Variants in AGO1 observed in about 807,000 individuals in gnomAD.
AGO1 encodes the protein argonaute RISC component 1.
AGO1 carries 11 observed loss-of-function variants against 109.2 expected under a neutral mutation model. That is an observed-to-expected ratio of 0.10 (90% confidence interval 0.06 to 0.17). The LOEUF (loss-of-function observed/expected upper bound fraction) is 0.17, where lower values mean the gene tolerates loss of function less well. Ranked by LOEUF, AGO1 falls within the 10% of genes least tolerant of loss-of-function variation. AGO1 has a pLI of 1.00. For missense variants in AGO1, 574 were observed against 1,140.3 expected, an observed-to-expected ratio of 0.50 and a Z score of 7.15; for synonymous variants, 422 against 418.6, an observed-to-expected ratio of 1.01 and a Z score of -0.10.
At chr1:35,874,346 T>C (rs1644976509) in intron 1 of AGO1, among the ~76,000 whole-genome samples, 1 of 152,172 alleles carries the variant, frequency 6.6e-6, no homozygotes, top group South Asian at 2.1e-4. Flanking sequence ...TTAAAAGTTT[T>C]TTGTTGTTGT....
rs370567202 is a variant in AGO1, at chr1:35,888,379, G to T, written c.26-48G>T. 11 of 1,593,134 alleles carry T rather than the reference G, an allele frequency of 6.9e-6. No homozygotes were observed. The Admixed American group carries it at 1.9e-4, about 27-fold the overall frequency. ...CCTTGTTCCTCCTCTGATAAGAGTA[G>T]TTAGGAGATTGCCAGACTTTACCCT... is the stretch of plus-strand genomic sequence containing the variant. On this transcript the variant is annotated intron_variant, in intron 1 of 18. Transcript: ENST00000373204. The surrounding 1 kb of genome is among the most constrained non-coding windows in gnomAD (Gnocchi z 4.1).
chr1:35,880,540 A>G (rs941191602), upstream of AGO1, among the ~76,000 whole-genome samples: 1 of 152,216 alleles, frequency 6.6e-6, no homozygotes, highest in African/African-American at 2.4e-5. Context: ...AGCCTGGGTA[A>G]CAGAGTAAGA....
intron 15 of AGO1, 44 bp downstream of exon 15, chr1:35,915,586 G>A (rs1645720387): frequency 1.9e-6 from 3 of 1,568,488 alleles, no homozygotes; most frequent in Non-Finnish European, 2.6e-6. Flanking sequence ...ATCATGGCTG[G>A]AAAGCTAGGT....
intron 12 of AGO1, among the ~76,000 whole-genome samples, chr1:35,912,485 T>TGAG (rs1269609009): frequency 7.1e-4 from 108 of 152,266 alleles, no homozygotes; most frequent in Middle Eastern, 3.4e-3. Context: ...ATTTGCTTAG[T>TGAG]TGATATCCTC....
upstream of AGO1, chr1:35,882,999 C>G: frequency 1.1e-6 from 1 of 928,486 alleles, no homozygotes; most frequent in East Asian, 1.2e-4. The surrounding 1 kb of genome is among the most constrained non-coding windows in gnomAD (Gnocchi z 5.1). Context: ...CGGGATGTCC[C>G]TTCGCCCTGC....
chr1:35,899,519 C>T (rs1223622218), intron 8 of AGO1, among the ~76,000 whole-genome samples: 1 of 152,204 alleles, frequency 6.6e-6, no homozygotes, highest in African/African-American at 2.4e-5. Flanking sequence ...CACCACATCC[C>T]TGATTTAGTC....
At position 35,888,382 on chromosome 1, in the gene AGO1, A is replaced by G. The variant is rs1259480938; in HGVS notation, c.26-45A>G. On this transcript the variant is annotated intron_variant, in intron 1 of 18. Transcript: ENST00000373204. The surrounding 1 kb of genome is among the most constrained non-coding windows in gnomAD (Gnocchi z 4.1). ...TGTTCCTCCTCTGATAAGAGTAGTT[A>G]GGAGATTGCCAGACTTTACCCTCAC... The G allele has an allele frequency of 1.3e-6, 2 of 1,594,882 alleles. No homozygotes were observed. The highest frequency in any genetic ancestry group is 1.7e-5 in the Admixed American group (1 of 59,302).
At chr1:35,907,187 TG>T (rs1190757213) in intron 12 of AGO1, 68 bp downstream of exon 12, 1 of 1,394,676 alleles carries the variant, frequency 7.2e-7, no homozygotes, top group African/African-American at 1.4e-5. Flanking sequence ...TGGGGTCTCC[TG>T]GGAAGGACTC....
At chr1:35,907,161 T>C in intron 12 of AGO1, 42 bp downstream of exon 12, 1 of 1,554,310 alleles carries the variant, frequency 6.4e-7, no homozygotes, top group Non-Finnish European at 8.7e-7. Flanking sequence ...ATAGGACTCT[T>C]CTCAGCGTAG....
In AGO1 at chr1:35,888,497, G is replaced by A. The variant is rs574337653; in HGVS notation, c.96G>A (p.Val32=). 6.2e-7 allele frequency: 1 copy of A among 1,614,218 alleles called. No homozygotes were observed. The highest frequency in any genetic ancestry group is 1.7e-5 in the Admixed American group (1 of 60,024). The change falls in exon 2 of 19, where the codon GTG becomes GTA. Residue 32 remains valine, a synonymous_variant. Transcript: ENST00000373204. This position sits in a 1 kb window ranked among gnomAD's most constrained non-coding sequence, Gnocchi z 4.1. ...QAPRRPGIGT[V]GKPIKLLANY... is the part of the protein sequence containing the mutation. ...CTCGCCGGCCTGGCATTGGCACTGT[G>A]GGGAAACCAATCAAGCTCCTGGCCA...
chr1:35,883,202 C>T, upstream of AGO1: 13 of 1,191,972 alleles, frequency 1.1e-5, no homozygotes, highest in Non-Finnish European at 1.4e-5. This position sits in a 1 kb window ranked among gnomAD's most constrained non-coding sequence, Gnocchi z 5.4. Flanking sequence ...GGCGGTCGCG[C>T]CTGCGCACTG....
chr1:35,877,960 G>C (rs1357318667), intron 1 of AGO1, among the ~76,000 whole-genome samples: 2 of 151,840 alleles, frequency 1.3e-5, no homozygotes, highest in African/African-American at 4.8e-5. Context: ...CAAAGTGCTG[G>C]GATTACAGGG....
rs77968920 is a variant in AGO1, at chr1:35,897,997, A to G, written c.1020+2728A>G. Among the ~76,000 whole-genome samples, 1,019 of 152,306 alleles carry G rather than the reference A, an allele frequency of 6.7e-3. 8 individuals are homozygous for G. The highest frequency in any genetic ancestry group is 0.023 in the African/African-American group (968 of 41,566). On this transcript the variant is annotated intron_variant, in intron 8 of 18. Coordinates refer to ENST00000373204, the MANE Select transcript of AGO1 (RefSeq NM_012199.5). ...ATTTTGGACATATCATATATGTGAAATAATACAATATGTGGCCTTTTTTGA... is the reference window on the plus strand; with the variant it reads ...ATTTTGGACATATCATATATGTGAAGTAATACAATATGTGGCCTTTTTTGA...
rs772190498 is a variant in AGO1 at position 35,904,330 on chromosome 1, C to A, written c.1397+1993C>A. On this transcript the variant is annotated intron_variant, in intron 11 of 18. Coordinates refer to ENST00000373204, the MANE Select transcript of AGO1 (RefSeq NM_012199.5). Reference sequence around the variant, plus strand: ...CCATGTTAACCAGGATGGTCTCGATCTCCTGACCTCATGATCCACCCGCCT... The same window carrying A: ...CCATGTTAACCAGGATGGTCTCGATATCCTGACCTCATGATCCACCCGCCT... Among the ~76,000 whole-genome samples, 22 of 152,180 alleles carry A rather than the reference C, an allele frequency of 1.4e-4. 1 individual carries two copies. Among genetic ancestry groups the A allele is most frequent in the Non-Finnish European group, 2.5e-4 (17 of 68,006 alleles).
chr1:35,912,487 G>C (rs1645654731), intron 12 of AGO1, among the ~76,000 whole-genome samples: 1 of 151,366 alleles, frequency 6.6e-6, no homozygotes, highest in African/African-American at 2.4e-5. Context: ...TTGCTTAGTT[G>C]ATATCCTCAC....
rs1217983159 is a variant in AGO1, at chr1:35,927,301, T to A, written c.*7694T>A. 6.6e-6 allele frequency: 1 copy of A among 152,222 alleles called. No individual in the cohort carries two copies. Among genetic ancestry groups the A allele is most frequent in the Non-Finnish European group, 1.5e-5 (1 of 68,038 alleles). 9.4% of individuals were successfully genotyped at this position (152,222 alleles called of 1,614,324 possible). On this transcript the variant is annotated 3_prime_UTR_variant, in exon 19 of 19. Coordinates refer to ENST00000373204, the MANE Select transcript of AGO1 (RefSeq NM_012199.5). The stretch of plus-strand genomic sequence containing the variant: ...TAAATAAGAAAACTATCATTTCATA[T>A]GACAAGAAATCCTAATTTAATGTTA...
chr1:35,891,700 G>A (rs899972375), intron 2 of AGO1, among the ~76,000 whole-genome samples: 2 of 151,966 alleles, frequency 1.3e-5, no homozygotes, highest in Non-Finnish European at 2.9e-5. Flanking sequence ...GAGTAGCTGG[G>A]ACTGTAGGCA....
At chr1:35,872,507 C>T (rs1159698151) in intron 1 of AGO1, among the ~76,000 whole-genome samples, 1 of 152,036 alleles carries the variant, frequency 6.6e-6, no homozygotes, top group Non-Finnish European at 1.5e-5. Context: ...CTTTAATCAT[C>T]CTAGCTAAGC....
intron 12 of AGO1, among the ~76,000 whole-genome samples, chr1:35,908,369 T>C (rs982342455): frequency 2.0e-5 from 3 of 152,248 alleles, no homozygotes; most frequent in African/African-American, 7.2e-5. Context: ...ATTCTGCCTT[T>C]ACATTTTATT....
Sources: allele counts gnomAD v4.1 joint callset (sites outside exome capture counted in the v4.1 genomes callset), GRCh38; gene constraint gnomAD v4.1.1; non-coding constraint Gnocchi (gnomAD v3.1); transcripts MANE v1.5; gene names NCBI Gene and HGNC (gene_info 2026-07-23, HGNC 2026-07-21).